CSTF3: variants seen among roughly 807,000 people sequenced by gnomAD.
CSTF3 encodes cleavage stimulation factor subunit 3.
A neutral mutation model predicts 105.8 loss-of-function variants in CSTF3; 29 were observed. The observed-to-expected ratio is 0.27, with a 90% CI of 0.20 to 0.37. The LOEUF is 0.37. CSTF3 is among the 10% of genes least tolerant of loss of function. The pLI is 1.00. For missense variants in CSTF3, 357 were observed against 879.3 expected (o/e 0.41, Z 7.51); for synonymous variants, 252 against 281.9 (o/e 0.89, Z 1.06).
Position 33,099,104 on chromosome 11 carries a change from T to C in CSTF3, c.983A>G (p.Tyr328Cys). The part of the protein sequence containing the change: ...KLFSDEAANI[Y>C]ERAISTLLKK... ...CAATAAAGTGCTTATGGCTCTTTCA[T>C]ATATATTAGCAGCTTCATCACTAAA... Residue 328 changes from tyrosine to cysteine, a missense_variant, in exon 12 of 21, where the codon TAT becomes TGT. Tyr to Cys is a radical substitution (Grantham distance 194). Around this residue, in one of 4 missense-constraint regions of CSTF3, gnomAD observed 206 missense variants for 576.5 expected, o/e 0.36. Coordinates refer to ENST00000323959, the MANE Select transcript of CSTF3 (RefSeq NM_001326.3). This position sits in a 1 kb window ranked among gnomAD's most constrained non-coding sequence, Gnocchi z 4.1. The C allele has an allele frequency of 6.3e-7, 1 of 1,583,198 alleles. No homozygotes were observed. The highest frequency in any genetic ancestry group is 2.1e-5 in the Admixed American group (1 of 48,524).
intron 5 of CSTF3, 137 bp from the exon 6 acceptor site, chr11:33,106,201 G>A: frequency 1.6e-6 from 1 of 624,550 alleles, no homozygotes; most frequent in Non-Finnish European, 2.8e-6. Flanking sequence ...CTTGAGACCA[G>A]GAATTCAAGA....
chr11:33,097,062 T>C, intron 13 of CSTF3, 84 bp from the exon 14 acceptor site: 5 of 942,284 alleles, frequency 5.3e-6, no homozygotes, highest in Non-Finnish European at 7.5e-6. Flanking sequence ...CCCAATAAAT[T>C]AGAAAGTAGG....
chr11:33,135,469 A>AT (rs1331281447), intron 3 of CSTF3, among the ~76,000 whole-genome samples: 1 of 152,134 alleles, frequency 6.6e-6, no homozygotes, highest in Non-Finnish European at 1.5e-5. Flanking sequence ...TCCTCTAGAG[A>AT]TTGAGTCAGC....
chr11:33,123,204 A>G (rs1006354828), intron 3 of CSTF3, among the ~76,000 whole-genome samples: 1 of 151,888 alleles, frequency 6.6e-6, no homozygotes, highest in Non-Finnish European at 1.5e-5. Context: ...AAAACAAAAA[A>G]ATGGACTAGA....
rs142460006 is a variant in CSTF3 at position 33,117,884 on chromosome 11, C to T, written c.226-9466G>A. 3.0e-4 allele frequency among the ~76,000 whole-genome samples: 45 copies of T among 151,784 alleles called. No individual in the cohort carries two copies. In the East Asian group the frequency reaches 8.3e-3, roughly 28 times the overall value. On this transcript the variant is annotated intron_variant, in intron 3 of 20. Coordinates refer to ENST00000323959, the MANE Select transcript of CSTF3 (RefSeq NM_001326.3). ...CATAGTACATTTAAGAAGTGAAATC[C>T]AAAAAATATATACTGAGTAGGAAGA...
At chr11:33,092,385 G>A (rs761564137) in intron 15 of CSTF3, 45 bp from the exon 16 acceptor site, 16 of 1,282,484 alleles carry the variant, frequency 1.2e-5, no homozygotes, top group Admixed American at 2.3e-5. Flanking sequence ...TCACTTTTAC[G>A]ATGCAACAAT....
intron 1 of CSTF3, among the ~76,000 whole-genome samples, chr11:33,144,104 T>C (rs1029924826): frequency 6.6e-6 from 1 of 150,854 alleles, no homozygotes; most frequent in Admixed American, 6.7e-5. Context: ...GCACTGCCCC[T>C]ATCACTTTTC....
chr11:33,129,132 C>T (rs1422834551), intron 3 of CSTF3, among the ~76,000 whole-genome samples: 1 of 152,202 alleles, frequency 6.6e-6, no homozygotes, highest in Non-Finnish European at 1.5e-5. Context: ...AACTCTGTTG[C>T]CCAGGCTGCA....
chr11:33,149,284 T>C (rs554663641), intron 1 of CSTF3, among the ~76,000 whole-genome samples: 2 of 152,356 alleles, frequency 1.3e-5, no homozygotes, highest in Non-Finnish European at 2.9e-5. Context: ...TAGTCAAATG[T>C]TCGTAACACA....
intron 3 of CSTF3, among the ~76,000 whole-genome samples, chr11:33,116,767 T>G (rs140008768): frequency 1.2e-3 from 187 of 152,018 alleles, no homozygotes; most frequent in African/African-American, 4.4e-3. Context: ...AATACAGAGG[T>G]GGCTTTTAGT....
At chr11:33,090,786 C>T (rs751875973) in intron 16 of CSTF3, 59 bp from the exon 17 acceptor site, 91 of 1,238,758 alleles carry the variant, frequency 7.3e-5, no homozygotes, top group Non-Finnish European at 9.5e-5. Context: ...GCAGGGAGTT[C>T]ATTTACAAAA....
intron 3 of CSTF3, among the ~76,000 whole-genome samples, chr11:33,111,056 C>T (rs1855374385): frequency 6.6e-6 from 1 of 152,024 alleles, no homozygotes; most frequent in African/African-American, 2.4e-5. Context: ...GAGTGAAACC[C>T]CGTGTCTACT....
chr11:33,114,723 C>T (rs888982209), intron 3 of CSTF3, among the ~76,000 whole-genome samples: 19 of 151,886 alleles, frequency 1.3e-4, no homozygotes, highest in African/African-American at 4.1e-4. Flanking sequence ...TGGTGGCAAG[C>T]GCCCGTAATC....
At chr11:33,102,864 T>A (rs2133776013) in intron 9 of CSTF3, among the ~76,000 whole-genome samples, 2 of 152,316 alleles carry the variant, frequency 1.3e-5, no homozygotes, top group Middle Eastern at 6.8e-3. Context: ...TAGAGCCTTG[T>A]CTCTCTCTAT....
chr11:33,122,311 T>C (rs920644267), intron 3 of CSTF3, among the ~76,000 whole-genome samples: 3 of 152,212 alleles, frequency 2.0e-5, no homozygotes, highest in African/African-American at 7.2e-5. Context: ...CTTCATGATT[T>C]TGATATCTCT....
At chr11:33,151,553 T>A (rs1341725527) in intron 1 of CSTF3, among the ~76,000 whole-genome samples, 1 of 152,210 alleles carries the variant, frequency 6.6e-6, no homozygotes, top group Non-Finnish European at 1.5e-5. Context: ...ACTTTACTTT[T>A]GACAATATTC....
intron 1 of CSTF3, among the ~76,000 whole-genome samples, chr11:33,154,686 G>A (rs756431949): frequency 2.0e-5 from 3 of 151,850 alleles, no homozygotes; most frequent in Non-Finnish European, 4.4e-5. Context: ...TAGTAGAGAC[G>A]GAGTTTCACC....
chr11:33,126,756 T>C (rs1218917687), intron 3 of CSTF3, among the ~76,000 whole-genome samples: 1 of 152,204 alleles, frequency 6.6e-6, no homozygotes, highest in Non-Finnish European at 1.5e-5. Flanking sequence ...TTTCCCACTG[T>C]GGATTTTTAA....
intron 3 of CSTF3, among the ~76,000 whole-genome samples, chr11:33,139,030 T>G (rs1315059509): frequency 6.6e-6 from 1 of 151,938 alleles, no homozygotes; most frequent in Non-Finnish European, 1.5e-5. Flanking sequence ...ACTGCTCAAC[T>G]CTCAGTTATG....
Sources: gnomAD v4.1 joint callset for allele counts (sites outside exome capture counted in the v4.1 genomes callset) on GRCh38, gnomAD v4.1.1 for gene constraint, gnomAD v4.1.1 regional missense constraint, Gnocchi (gnomAD v3.1) non-coding constraint, MANE v1.5 for transcripts, NCBI Gene and HGNC (gene_info 2026-07-23, HGNC 2026-07-21) for gene names.